MCUB: variants seen among roughly 807,000 people sequenced by gnomAD.
MCUB encodes mitochondrial calcium uniporter dominant negative subunit beta, also known as calcium uniporter regulatory subunit MCUb, mitochondrial.
In MCUB, 46 loss-of-function variants were observed where a neutral mutation model predicts 41.4. That is an observed-to-expected ratio of 1.11 (90% CI 0.88 to 1.42). The LOEUF (loss-of-function observed/expected upper bound fraction) is 1.42, where lower values mean the gene tolerates loss of function less well. Ranked by LOEUF, MCUB falls within the 40% of genes most tolerant of loss-of-function variation. The pLI is 0.00. For synonymous variants in MCUB, 148 were observed against 148.2 expected, an observed-to-expected ratio of 1.00 and a Z score of 0.01; for missense variants, 403 against 404.9, an observed-to-expected ratio of 1.00 and a Z score of 0.04.
intron 1 of MCUB, among the ~76,000 whole-genome samples, chr4:109,598,917 G>A (rs540248572): frequency 2.6e-5 from 4 of 152,232 alleles, no homozygotes; most frequent in African/African-American, 7.2e-5. Context: ...CAGTAAATTA[G>A]CTATTCTCTA....
At chr4:109,597,566 C>T (rs1727599139) in intron 1 of MCUB, among the ~76,000 whole-genome samples, 2 of 146,948 alleles carry the variant, frequency 1.4e-5, no homozygotes, top group African/African-American at 5.0e-5. Context: ...GGGCTCCTCA[C>T]TTCCCAGTAG....
chr4:109,660,832 A>T (rs947741082), intron 3 of MCUB, among the ~76,000 whole-genome samples: 56 of 149,516 alleles, frequency 3.7e-4, no homozygotes, highest in Middle Eastern at 3.5e-3. Context: ...AAGAAAATTA[A>T]AAAAAAAAAA....
intron 1 of MCUB, chr4:109,648,691 T>G (rs1201479416): frequency 2.8e-6 from 1 of 359,108 alleles, no homozygotes; most frequent in African/African-American, 2.7e-5. Context: ...ATATAGCAGT[T>G]TGATTTTTTT....
intron 1 of MCUB, among the ~76,000 whole-genome samples, chr4:109,658,535 G>A (rs1225540577): frequency 6.6e-6 from 1 of 152,116 alleles, no homozygotes; most frequent in African/African-American, 2.4e-5. Flanking sequence ...GACCTCAGGT[G>A]ATTCGCCCAC....
intron 1 of MCUB, among the ~76,000 whole-genome samples, chr4:109,604,660 A>G (rs764442570): frequency 1.3e-5 from 2 of 152,156 alleles, no homozygotes; most frequent in Non-Finnish European, 2.9e-5. Context: ...TCTGTTGTAT[A>G]TGGCTTTTAT....
intron 1 of MCUB, among the ~76,000 whole-genome samples, chr4:109,602,464 A>G (rs1484731261): frequency 6.6e-6 from 1 of 152,228 alleles, no homozygotes; most frequent in African/African-American, 2.4e-5. Context: ...TTTATTGAAG[A>G]AACTGTCTTT....
intron 1 of MCUB, among the ~76,000 whole-genome samples, chr4:109,582,976 T>G (rs2126127043): frequency 6.6e-6 from 1 of 152,346 alleles, no homozygotes; most frequent in African/African-American, 2.4e-5. Context: ...CCTTGTAGTA[T>G]AGTTTGAAGT....
chr4:109,638,163 G>A (rs969921403), intron 1 of MCUB, among the ~76,000 whole-genome samples: 2 of 152,074 alleles, frequency 1.3e-5, no homozygotes, highest in African/African-American at 2.4e-5. Flanking sequence ...TGAGACAAAC[G>A]TGGGCAACAT....
intron 1 of MCUB, among the ~76,000 whole-genome samples, chr4:109,570,294 G>C (rs1198117564): frequency 2.0e-5 from 3 of 152,156 alleles, no homozygotes; most frequent in African/African-American, 7.2e-5. Flanking sequence ...ATCAGGTGCT[G>C]TATCTTTTAT....
In MCUB at chr4:109,568,541, C is replaced by G. The variant is rs182792059; in HGVS notation, c.99+8105C>G. Reference sequence around the variant, plus strand: ...CTCTCCCTTTACCCCGCTTCTTCACCCTCCTGACTTCTACTCTTTTTTCAA... The same window carrying G: ...CTCTCCCTTTACCCCGCTTCTTCACGCTCCTGACTTCTACTCTTTTTTCAA... On this transcript the variant is annotated intron_variant, in intron 1 of 7. Coordinates refer to ENST00000394650, the MANE Select transcript of MCUB (RefSeq NM_017918.5). Among the ~76,000 whole-genome samples the G allele has an allele frequency of 3.4e-4, 52 of 152,190 alleles. No homozygotes were observed. In the East Asian group the frequency reaches 8.9e-3, roughly 26 times the overall value.
At chr4:109,682,274 A>G (rs557087981) in intron 4 of MCUB, among the ~76,000 whole-genome samples, 7 of 150,710 alleles carry the variant, frequency 4.6e-5, no homozygotes, top group East Asian at 3.9e-4. Context: ...CTTATGCTCA[A>G]TTGCCTTCAG....
rs541137149 is a variant in MCUB at position 109,580,116 on chromosome 4, G to A, written c.99+19680G>A. Among the ~76,000 whole-genome samples the A allele has an allele frequency of 2.2e-4, 34 of 152,254 alleles. No homozygotes were observed. The South Asian group carries it at 6.9e-3, about 31-fold the overall frequency. On this transcript the variant is annotated intron_variant, in intron 1 of 7. Transcript: ENST00000394650. The stretch of plus-strand genomic sequence containing the variant: ...CATTGTTCAGTTCCCAATTGTGAGT[G>A]AGAACATGCGGTGTTTGGTTTTCTG...
intron 1 of MCUB, among the ~76,000 whole-genome samples, chr4:109,655,623 A>G (rs183690555): frequency 3.0e-4 from 46 of 152,312 alleles, no homozygotes; most frequent in Admixed American, 1.6e-3. Flanking sequence ...AGAAGCCCAA[A>G]TCATCTTTTG....
intron 4 of MCUB, among the ~76,000 whole-genome samples, chr4:109,669,759 A>G (rs1729416109): frequency 6.6e-6 from 1 of 150,618 alleles, no homozygotes; most frequent in African/African-American, 2.4e-5. Flanking sequence ...CTAATGAAAT[A>G]TCCTTAAGCT....
At chr4:109,615,917 C>T (rs1728116398) in intron 1 of MCUB, among the ~76,000 whole-genome samples, 1 of 152,194 alleles carries the variant, frequency 6.6e-6, no homozygotes, top group African/African-American at 2.4e-5. Context: ...TCAGTTACAT[C>T]AGTGCTGGCG....
intron 1 of MCUB, among the ~76,000 whole-genome samples, chr4:109,600,993 C>T (rs1727719891): frequency 6.6e-6 from 1 of 152,134 alleles, no homozygotes; most frequent in South Asian, 2.1e-4. Flanking sequence ...CAGGATTTCA[C>T]CATATTGGTC....
At chr4:109,630,569 TTTTGTTTG>T (rs146428253) in intron 1 of MCUB, among the ~76,000 whole-genome samples, 1 of 151,862 alleles carries the variant, frequency 6.6e-6, no homozygotes, top group Admixed American at 6.6e-5. Flanking sequence ...AAATTCTGTT[TTTTGTTTG>T]TTTGTTTGTT....
intron 4 of MCUB, among the ~76,000 whole-genome samples, chr4:109,679,379 A>T (rs1205389733): frequency 6.6e-6 from 1 of 152,120 alleles, no homozygotes; most frequent in African/African-American, 2.4e-5. Context: ...AGTGAGCGAG[A>T]CTCCGTCTGC....
intron 1 of MCUB, among the ~76,000 whole-genome samples, chr4:109,638,428 A>AC (rs1414751534): frequency 6.9e-6 from 1 of 144,056 alleles, no homozygotes; most frequent in Admixed American, 7.1e-5. Context: ...AAAAAAAAAA[A>AC]ACCATACATT....
Sources: allele counts gnomAD v4.1 joint callset (sites outside exome capture counted in the v4.1 genomes callset), GRCh38; gene constraint gnomAD v4.1.1; transcripts MANE v1.5; gene names NCBI Gene and HGNC (gene_info 2026-07-23, HGNC 2026-07-21).